Variants in DOCK6 observed in about 807,000 individuals in gnomAD.
The protein encoded by DOCK6 is dedicator of cytokinesis 6, also known as dedicator of cytokinesis protein 6.
Under a neutral mutation model 230.3 loss-of-function variants are expected in DOCK6, and 167 were observed. The ratio of observed to expected loss-of-function variants is 0.73; its 90% CI spans 0.64 to 0.82. The LOEUF is 0.82. Among genes scored for constraint, DOCK6 ranks in the 40% least tolerant of loss-of-function variants. DOCK6 has a pLI of 0.00. For missense variants in DOCK6, 2,598 were observed against 2,825.8 expected (o/e 0.92, Z 1.83); for synonymous variants, 1,148 against 1,185.0 (o/e 0.97, Z 0.64).
At chr19:11,213,081 C>G (rs868074655) in intron 35 of DOCK6, 95 bp downstream of exon 35, 1 of 1,478,168 alleles carries the variant, frequency 6.8e-7, no homozygotes, top group Non-Finnish European at 9.1e-7. Context: ...TGCTCAATGA[C>G]TGTCTCCCCC....
intron 14 of DOCK6, chr19:11,239,983 G>A (rs1330980206): frequency 1.3e-6 from 2 of 1,553,626 alleles, no homozygotes; most frequent in Non-Finnish European, 1.7e-6. Flanking sequence ...GTCCAAAGAG[G>A]AGTTCGTGTC....
intron 5 of DOCK6, 38 bp downstream of exon 5, chr19:11,252,081 C>A (rs1244149275): frequency 1.3e-6 from 2 of 1,574,142 alleles, no homozygotes; most frequent in South Asian, 1.2e-5. Flanking sequence ...AGCCTCCACA[C>A]ATACCCCTTC....
intron 22 of DOCK6, chr19:11,229,414 GAGA>G (rs778897950): frequency 3.6e-5 from 37 of 1,039,024 alleles, no homozygotes; most frequent in African/African-American, 1.7e-4. Context: ...TGATGGCGAG[GAGA>G]AGGTTAGTGT....
intron 1 of DOCK6, among the ~76,000 whole-genome samples, chr19:11,254,586 G>A (rs574401528): frequency 5.9e-5 from 9 of 152,140 alleles, no homozygotes; most frequent in Middle Eastern, 3.4e-3. Context: ...AGAGGCTGAG[G>A]CAGGAGAATC....
At position 11,236,635 on chromosome 19, in the gene DOCK6, C is replaced by G; in HGVS notation, c.2161-58G>C. 1 of 1,516,682 alleles carries G rather than the reference C, an allele frequency of 6.6e-7. No homozygotes were observed. The highest frequency in any genetic ancestry group is 8.9e-7 in the Non-Finnish European group (1 of 1,118,012). The allele number at this position is 1,516,682 out of a possible 1,614,324, so 94.0% of individuals were successfully genotyped here. Reference sequence around the variant, plus strand: ...CCTCAGGGAATGAAGACCACCCCTGCCTGAATCAGCAGCTTCCCTTAAAGC... The same window carrying G: ...CCTCAGGGAATGAAGACCACCCCTGGCTGAATCAGCAGCTTCCCTTAAAGC... On this transcript the variant is annotated intron_variant, in intron 19 of 47. Coordinates refer to ENST00000294618, the MANE Select transcript of DOCK6 (RefSeq NM_020812.4). The surrounding 1 kb of genome is among the most constrained non-coding windows in gnomAD (Gnocchi z 5.2).
chr19:11,215,695 A>T, intron 31 of DOCK6, 106 bp downstream of exon 31: 1 of 1,568,074 alleles, frequency 6.4e-7, no homozygotes. Context: ...CTCCAGGAAA[A>T]GTGAGGCAGA....
chr19:11,233,327 C>G lies in DOCK6; in HGVS notation c.2594G>C (p.Arg865Pro). The change falls in exon 22 of 48, where the codon CGT (arginine) becomes CCT (proline). Residue 865 changes from arginine (R) to proline (P), a missense_variant. Coordinates refer to ENST00000294618, the MANE Select transcript of DOCK6 (RefSeq NM_020812.4). ...GAGGCTTGCGGGGCGACCAGAGCCA[C>G]GGGCCAGTGTGGCAGCCTGCACTGT... is the stretch of plus-strand genomic sequence containing the variant. Reference protein sequence around the residue: ...PVTVQAATLARGSGRPASLYL... With the variant: ...PVTVQAATLAPGSGRPASLYL... 1 of 1,613,812 alleles carries G rather than the reference C, an allele frequency of 6.2e-7. No individual in the cohort carries two copies. Among genetic ancestry groups the G allele is most frequent in the Non-Finnish European group, 8.5e-7 (1 of 1,179,830 alleles).
chr19:11,223,041 C>G lies in DOCK6; in HGVS notation c.3021G>C (p.Leu1007=), dbSNP rs2079606471. ...LAFFLSDLLS[L]VDRGFVFSLV... is the part of the protein sequence containing the mutation. Reference sequence around the variant, plus strand: ...GGCTGAAGACAAAGCCCCGGTCCACCAGGGACAGAAGGTCACTGAGGAAGA... The same window carrying G: ...GGCTGAAGACAAAGCCCCGGTCCACGAGGGACAGAAGGTCACTGAGGAAGA... The change falls in exon 25 of 48, where the codon CTG becomes CTC. Residue 1007 remains leucine (L), a synonymous_variant. Transcript: ENST00000294618. 3.7e-6 allele frequency: 6 copies of G among 1,613,674 alleles called. No individual in the cohort carries two copies. The highest frequency in any genetic ancestry group is 1.7e-5 in the Admixed American group (1 of 60,000).
At position 11,243,223 on chromosome 19, in the gene DOCK6, G is replaced by A. The variant is rs772387290; in HGVS notation, c.1386+35C>T. On this transcript the variant is annotated intron_variant, in intron 12 of 47. Coordinates refer to ENST00000294618, the MANE Select transcript of DOCK6 (RefSeq NM_020812.4). The surrounding 1 kb of genome is among the most constrained non-coding windows in gnomAD (Gnocchi z 6.3). ...TCCCCAGGGCTAATGCAGCCAGCGG[G>A]GAGTGGGAGAGTCCCTGGCCCCAGG... The A allele has an allele frequency of 1.2e-6, 2 of 1,613,416 alleles. No individual in the cohort carries two copies. Among genetic ancestry groups the A allele is most frequent in the East Asian group, 2.2e-5 (1 of 44,830 alleles).
chr19:11,233,284 C>A lies in DOCK6; in HGVS notation c.2637G>T (p.Lys879Asn). ...RPASLYLARSKSISSSNPDLA... is the reference protein window; with the variant it reads ...RPASLYLARSNSISSSNPDLA... Reference sequence around the variant, plus strand: ...GGTCAGGGTTGCTGCTGCTGATGCTCTTGGAACGCGCCAGGTAGAGGCTTG... The same window carrying A: ...GGTCAGGGTTGCTGCTGCTGATGCTATTGGAACGCGCCAGGTAGAGGCTTG... The change falls in exon 22 of 48, where the codon AAG (lysine) becomes AAT (asparagine). Residue 879 changes from lysine (K) to asparagine (N), a missense_variant. By Grantham distance (94) the Lys-to-Asn change is moderately conservative (BLOSUM62 0). Coordinates refer to ENST00000294618, the MANE Select transcript of DOCK6 (RefSeq NM_020812.4). 2.5e-6 allele frequency: 4 copies of A among 1,613,964 alleles called. No individual in the cohort carries two copies. Among genetic ancestry groups the A allele is most frequent in the Non-Finnish European group, 3.4e-6 (4 of 1,179,874 alleles).
rs1568254878 is a variant in DOCK6 at position 11,243,015 on chromosome 19, C to T, written c.1480+44G>A. On this transcript the variant is annotated intron_variant, in intron 13 of 47. Coordinates refer to ENST00000294618, the MANE Select transcript of DOCK6 (RefSeq NM_020812.4). The surrounding 1 kb of genome is among the most constrained non-coding windows in gnomAD (Gnocchi z 6.3). ...CTCTCAGTGTAGGTTTGTTGAGTGG[C>T]TGAGTGAGAGTGATACTTCTTGTGT... The T allele has an allele frequency of 6.2e-7, 1 of 1,607,810 alleles. No homozygotes were observed. Among genetic ancestry groups the T allele is most frequent in the Admixed American group, 1.7e-5 (1 of 59,978 alleles).
At position 11,212,066 on chromosome 19, in the gene DOCK6, C is replaced by T. The variant is rs35002209; in HGVS notation, c.4577G>A (p.Arg1526Gln). The T allele has an allele frequency of 1.2e-6, 2 of 1,611,478 alleles. No individual in the cohort carries two copies. Among genetic ancestry groups the T allele is most frequent in the Admixed American group, 1.7e-5 (1 of 59,700 alleles). The change falls in exon 36 of 48, where the codon CGA becomes CAA. Residue 1526 changes from arginine (R) to glutamine (Q), a missense_variant. Transcript: ENST00000294618. ...TTQNFSEEHL[R>Q]RSLKTILTYA... Reference sequence around the variant, plus strand: ...GGTGAGGATGGTTTTGAGTGAACGTCGCAGGTGCTCTTCACTGAAGTTCTG... The same window carrying T: ...GGTGAGGATGGTTTTGAGTGAACGTTGCAGGTGCTCTTCACTGAAGTTCTG...
At position 11,243,040 on chromosome 19, in the gene DOCK6, T is replaced by C; in HGVS notation, c.1480+19A>G. The C allele has an allele frequency of 6.2e-7, 1 of 1,613,258 alleles. No individual in the cohort carries two copies. Among genetic ancestry groups the C allele is most frequent in the Non-Finnish European group, 8.5e-7 (1 of 1,179,656 alleles). On this transcript the variant is annotated intron_variant, in intron 13 of 47. Transcript: ENST00000294618. The surrounding 1 kb of genome is among the most constrained non-coding windows in gnomAD (Gnocchi z 6.3). ...CTGAGTGAGAGTGATACTTCTTGTG[T>C]ATGGGGTGTGCCACGCACCAGTCAC... is the stretch of plus-strand genomic sequence containing the variant.
At chr19:11,213,434 C>G (rs1431116787) in intron 34 of DOCK6, 106 bp from the exon 35 acceptor site, 1 of 1,472,756 alleles carries the variant, frequency 6.8e-7, no homozygotes, top group East Asian at 2.5e-5. Flanking sequence ...GTGTTCTGTC[C>G]TCTTTGGCCA....
At chr19:11,232,445 G>A (rs1457248947) in intron 22 of DOCK6, among the ~76,000 whole-genome samples, 2 of 152,124 alleles carry the variant, frequency 1.3e-5, no homozygotes, top group South Asian at 4.1e-4. Flanking sequence ...GGTCCATTGG[G>A]TGCATGCCTT....
Position 11,222,227 on chromosome 19 carries a change from C to T in DOCK6, c.3262G>A (p.Ala1088Thr), listed in dbSNP as rs755175691. The T allele has an allele frequency of 3.1e-6, 5 of 1,602,596 alleles. No individual in the cohort carries two copies. Among genetic ancestry groups the T allele is most frequent in the Non-Finnish European group, 3.4e-6 (4 of 1,174,844 alleles). Residue 1088 changes from alanine to threonine, a missense_variant, in exon 27 of 48, where the codon GCC (alanine) becomes ACC (threonine). Coordinates refer to ENST00000294618, the MANE Select transcript of DOCK6 (RefSeq NM_020812.4). This position sits in a 1 kb window ranked among gnomAD's most constrained non-coding sequence, Gnocchi z 4.0. ...ATGCTGGTCACCTTGGGGTCCGGGG[C>T]TTGGCTGGAGAAGGTGGAGCTCTGC... ...TSQSSTFSSQAPDPKVTSMFE... is the reference protein window; with the variant it reads ...TSQSSTFSSQTPDPKVTSMFE...
At position 11,208,837 on chromosome 19, in the gene DOCK6, G is replaced by A; in HGVS notation, c.4945-8C>T. The A allele has an allele frequency of 6.2e-7, 1 of 1,610,468 alleles. No homozygotes were observed. Among genetic ancestry groups the A allele is most frequent in the Non-Finnish European group, 8.5e-7 (1 of 1,177,072 alleles). ...CACGTTGGATGAGATGTTCTGGGGT[G>A]GGAGAGGTGGCGTCAGACCCTGGTC... On this transcript the variant is annotated splice_region_variant and splice_polypyrimidine_tract_variant and intron_variant, in intron 38 of 47. Transcript: ENST00000294618.
intron 1 of DOCK6, among the ~76,000 whole-genome samples, chr19:11,257,554 C>T (rs1248960193): frequency 2.0e-5 from 3 of 149,136 alleles, no homozygotes; most frequent in Non-Finnish European, 3.0e-5. Context: ...TTCGGGAGGC[C>T]GAGGCGGGCA....
chr19:11,243,717 G>C lies in DOCK6; in HGVS notation c.1105-7C>G. The stretch of plus-strand genomic sequence containing the variant: ...TCTCTAGCTTCTCTTTGTTCTGTGG[G>C]GAGACCCCGTCCCCTGCCAGCTCAG... On this transcript the variant is annotated splice_polypyrimidine_tract_variant and splice_region_variant and intron_variant, in intron 10 of 47. Transcript: ENST00000294618. This position sits in a 1 kb window ranked among gnomAD's most constrained non-coding sequence, Gnocchi z 6.3. 3.7e-6 allele frequency: 6 copies of C among 1,613,886 alleles called. No homozygotes were observed. In the Middle Eastern group the frequency reaches 4.9e-4, roughly 133 times the overall value.
Sources: allele counts gnomAD v4.1 joint callset (sites outside exome capture counted in the v4.1 genomes callset), GRCh38; gene constraint gnomAD v4.1.1; non-coding constraint Gnocchi (gnomAD v3.1); transcripts MANE v1.5; gene names NCBI Gene and HGNC (gene_info 2026-07-23, HGNC 2026-07-21).